PA2G4: variants seen among roughly 807,000 people sequenced by gnomAD.
PA2G4 encodes proliferation-associated protein 2G4.
Under a neutral mutation model 53.3 loss-of-function variants are expected in PA2G4, and 8 were observed. The ratio of observed to expected loss-of-function variants is 0.15; its 90% CI spans 0.09 to 0.27. PA2G4 has a LOEUF of 0.27. Among genes scored for constraint, PA2G4 ranks in the 10% least tolerant of loss-of-function variants. The pLI, the probability that PA2G4 is intolerant of heterozygous loss-of-function variation, is 1.00. For synonymous variants in PA2G4, 143 were observed against 169.8 expected (o/e 0.84, Z 1.23); for missense variants, 208 against 486.8 (o/e 0.43, Z 5.39).
chr12:56,110,756 T>C, intron 9 of PA2G4, 64 bp downstream of exon 9: 3 of 1,593,510 alleles, frequency 1.9e-6, no homozygotes, highest in East Asian at 4.5e-5. Context: ...AGGAACACTT[T>C]TTCCTCTCCC....
intron 5 of PA2G4, among the ~76,000 whole-genome samples, chr12:56,108,250 CCCAGGTTTATGA>C (rs1869341497): frequency 6.6e-6 from 1 of 152,116 alleles, no homozygotes; most frequent in South Asian, 2.1e-4. Flanking sequence ...AAAAAGAAAA[CCCAGGTTTATGA>C]CCAAGTTCTT....
rs770732886 is a variant in PA2G4 at position 56,110,492 on chromosome 12, A to G, written c.708+15A>G. 6.2e-7 allele frequency: 1 copy of G among 1,613,466 alleles called. No individual in the cohort carries two copies. Among genetic ancestry groups the G allele is most frequent in the Non-Finnish European group, 8.5e-7 (1 of 1,179,356 alleles). On this transcript the variant is annotated intron_variant, in intron 8 of 12. Transcript: ENST00000303305. ...GAGAGGGCAAGGTGAGGAGAGTACC[A>G]GAGTTGGCAAAGAGGGGTGACTGAG...
rs1352861474 is a variant in PA2G4 at position 56,111,255 on chromosome 12, C to T, written c.1011C>T (p.Pro337=). Residue 337 remains proline (P), a synonymous_variant, in exon 11 of 13, where the codon CCC becomes CCT. Transcript: ENST00000303305. ...PNGPMRITSG[P]FEPDLYKSEM... ...GCCCCATGCGGATAACCAGTGGTCCCTTCGAGCCTGACCTCTACAAGTCTG... is the reference window on the plus strand; with the variant it reads ...GCCCCATGCGGATAACCAGTGGTCCTTTCGAGCCTGACCTCTACAAGTCTG... The T allele has an allele frequency of 6.2e-7, 1 of 1,614,020 alleles. No homozygotes were observed. The highest frequency in any genetic ancestry group is 2.2e-5 in the East Asian group (1 of 44,900).
At chr12:56,111,335 G>GT (rs1565865050) in intron 11 of PA2G4, 26 bp downstream of exon 11, 1 of 1,613,970 alleles carries the variant, frequency 6.2e-7, no homozygotes, top group Non-Finnish European at 8.5e-7. Flanking sequence ...AAGGTGGTGA[G>GT]TATGTACATG....
At position 56,111,526 on chromosome 12, in the gene PA2G4, G is replaced by T. The variant is rs1426522769; in HGVS notation, c.1116G>T (p.Lys372Asn). 1 of 1,613,150 alleles carries T rather than the reference G, an allele frequency of 6.2e-7. No homozygotes were observed. Reference sequence around the variant, plus strand: ...GAAAAACCCAGAAAAAGAAAAAAAAGAAGGTGTGTTATTAACGATCATTCC... The same window carrying T: ...GAAAAACCCAGAAAAAGAAAAAAAATAAGGTGTGTTATTAACGATCATTCC... ...ASRKTQKKKK[K>N]KASKTAENAT... The change falls in exon 12 of 13, where the codon AAG becomes AAT. Residue 372 changes from lysine to asparagine, a missense_variant. By Grantham distance (94) the Lys-to-Asn change is moderately conservative. Around this residue, in one of 3 missense-constraint regions of PA2G4, gnomAD observed 50 missense variants for 82.3 expected, o/e 0.61. Coordinates refer to ENST00000303305, the MANE Select transcript of PA2G4 (RefSeq NM_006191.3).
chr12:56,113,763 A>G lies in PA2G4; in HGVS notation c.*875A>G, dbSNP rs1565865691. The G allele has an allele frequency of 1.4e-6, 1 of 690,956 alleles. No homozygotes were observed. 42.8% of individuals were successfully genotyped at this position (690,956 alleles called of 1,614,324 possible). On this transcript the variant is annotated 3_prime_UTR_variant, in exon 13 of 13. Coordinates refer to ENST00000303305, the MANE Select transcript of PA2G4 (RefSeq NM_006191.3). ...TTCTGAAGCTATGGACTTGGATTGG[A>G]TTGCTGGGGGTTTGTAGAGAAAGGT...
At chr12:56,109,965 A>G in intron 7 of PA2G4, 30 bp downstream of exon 7, 1 of 1,450,036 alleles carries the variant, frequency 6.9e-7, no homozygotes, top group Non-Finnish European at 9.7e-7. Context: ...ATTACCTTCT[A>G]CCACACAAGA....
chr12:56,111,448 A>T (rs201505740), intron 11 of PA2G4, 28 bp from the exon 12 acceptor site: 108 of 1,611,898 alleles, frequency 6.7e-5, no homozygotes, highest in Non-Finnish European at 8.1e-5. Flanking sequence ...ATTTCTCAAA[A>T]TTTTTTTCCC....
intron 4 of PA2G4, 76 bp downstream of exon 4, chr12:56,107,332 C>G: frequency 8.4e-7 from 1 of 1,184,170 alleles, no homozygotes; most frequent in Non-Finnish European, 1.3e-6. Flanking sequence ...TTATCCCCAC[C>G]CCCAATCACC....
In PA2G4 at chr12:56,111,312, T is replaced by C. The variant is rs1398135292; in HGVS notation, c.1065+3T>C. On this transcript the variant is annotated splice_donor_region_variant and intron_variant, in intron 11 of 12. Coordinates refer to ENST00000303305, the MANE Select transcript of PA2G4 (RefSeq NM_006191.3). ...AGGTCCAGGATGCAGAGCTAAAGGT[T>C]AGTATGGAATAGAAGGTGGTGAGTA... 1 of 1,614,126 alleles carries C rather than the reference T, an allele frequency of 6.2e-7. No homozygotes were observed. The highest frequency in any genetic ancestry group is 1.1e-5 in the South Asian group (1 of 91,084).
At chr12:56,112,799 T>A (rs1869458010) in intron 12 of PA2G4, 24 bp from the exon 13 acceptor site, 1 of 1,515,476 alleles carries the variant, frequency 6.6e-7, no homozygotes, top group African/African-American at 1.4e-5. Flanking sequence ...ACAGGTCTTC[T>A]CCCTCTCCTT....
In PA2G4 at chr12:56,111,184, G is replaced by A; in HGVS notation, c.940G>A (p.Glu314Lys). ...PFNVLYEKEG[E>K]FVAQFKFTVL... The stretch of plus-strand genomic sequence containing the variant: ...ACACATCTTCATTTTTGCCATAGGT[G>A]AATTTGTTGCCCAGTTTAAATTTAC... The change falls in exon 11 of 13, where the codon GAA becomes AAA. Residue 314 changes from glutamate (E) to lysine (K), a missense_variant and splice_region_variant. Glu to Lys is a moderately conservative substitution (Grantham distance 56). Transcript: ENST00000303305. 6.2e-7 allele frequency: 1 copy of A among 1,614,216 alleles called. No homozygotes were observed. Among genetic ancestry groups the A allele is most frequent in the Non-Finnish European group, 8.5e-7 (1 of 1,180,040 alleles).
intron 1 of PA2G4, 135 bp downstream of exon 1, chr12:56,104,960 T>C: frequency 1.2e-6 from 1 of 850,338 alleles, no homozygotes; most frequent in Non-Finnish European, 2.0e-6. Context: ...GGGCACGGCG[T>C]GGTGGGAAGA....
At chr12:56,110,148 C>T (rs1480107534) in intron 7 of PA2G4, among the ~76,000 whole-genome samples, 1 of 152,142 alleles carries the variant, frequency 6.6e-6, no homozygotes, top group Non-Finnish European at 1.5e-5. Context: ...CACCTGAGGT[C>T]ACGAGTTCAG....
In PA2G4 at chr12:56,104,747, G is replaced by A; in HGVS notation, c.10G>A (p.Glu4Lys). 6.2e-7 allele frequency: 1 copy of A among 1,613,900 alleles called. No individual in the cohort carries two copies. The highest frequency in any genetic ancestry group is 1.7e-5 in the Admixed American group (1 of 60,032). MSG[E>K]DEQQEQTIAE... The stretch of plus-strand genomic sequence containing the variant: ...TGGTGGTAGTAGGAAGATGTCGGGC[G>A]AGGACGAGCAACAGGAGCAAACTAT... The change falls in exon 1 of 13, where the codon GAG becomes AAG. Residue 4 changes from glutamate to lysine, a missense_variant. By Grantham distance (56) the Glu-to-Lys change is moderately conservative. Transcript: ENST00000303305.
chr12:56,111,396 C>G, intron 11 of PA2G4, 80 bp from the exon 12 acceptor site: 1 of 1,599,646 alleles, frequency 6.3e-7, no homozygotes, highest in Non-Finnish European at 8.6e-7. Context: ...CTGAAAAGAG[C>G]TGCAGTACTG....
chr12:56,106,041 A>C (rs928983835), intron 1 of PA2G4: 11 of 152,232 alleles, frequency 7.2e-5, no homozygotes, highest in African/African-American at 2.4e-4. Context: ...AAAATCTCTT[A>C]CAGTTTATAA....
chr12:56,107,559 G>A lies in PA2G4; in HGVS notation c.432G>A (p.Lys144=). The part of the protein sequence containing the change: ...QVTGRKADVI[K]AAHLCAEAAL... ...CAGGGAGGAAAGCAGATGTTATTAA[G>A]GCAGCTCACCTTTGTGCTGAAGCTG... Residue 144 remains lysine, a synonymous_variant, in exon 5 of 13, where the codon AAG becomes AAA. Transcript: ENST00000303305. The A allele has an allele frequency of 6.2e-7, 1 of 1,613,842 alleles. No individual in the cohort carries two copies. The highest frequency in any genetic ancestry group is 1.1e-5 in the South Asian group (1 of 91,086).
rs547546684 is a variant in PA2G4 at position 56,105,139 on chromosome 12, T to A, written c.88+314T>A. The A allele has an allele frequency of 3.3e-6, 2 of 609,396 alleles. 1 individual carries two copies. Among genetic ancestry groups the A allele is most frequent in the African/African-American group, 3.6e-5 (2 of 55,210 alleles). 37.7% of individuals were successfully genotyped at this position (609,396 alleles called of 1,614,324 possible). Reference sequence around the variant, plus strand: ...TCTTGTTCCTATCCTTCATTCCCGATTATTGCTTCCTCTGATTCTGGCAGC... The same window carrying A: ...TCTTGTTCCTATCCTTCATTCCCGAATATTGCTTCCTCTGATTCTGGCAGC... On this transcript the variant is annotated intron_variant, in intron 1 of 12. Transcript: ENST00000303305.
Sources: gnomAD v4.1 joint callset for allele counts (sites outside exome capture counted in the v4.1 genomes callset) on GRCh38, gnomAD v4.1.1 for gene constraint, gnomAD v4.1.1 regional missense constraint, MANE v1.5 for transcripts, NCBI Gene and HGNC (gene_info 2026-07-23, HGNC 2026-07-21) for gene names.